RHBDD1: variants seen among roughly 807,000 people sequenced by gnomAD.
RHBDD1 encodes rhomboid-related protein 4.
Under a neutral mutation model 36.3 loss-of-function variants are expected in RHBDD1, and 38 were observed. The observed-to-expected ratio is 1.05, with a 90% CI of 0.81 to 1.37. The LOEUF is 1.37. Ranked by LOEUF, RHBDD1 falls within the 40% of genes most tolerant of loss-of-function variation. The pLI, the probability that RHBDD1 is intolerant of heterozygous loss-of-function variation, is 0.00. For synonymous variants in RHBDD1, 151 were observed against 136.5 expected (o/e 1.11, Z -0.74); for missense variants, 393 against 377.6 (o/e 1.04, Z -0.34).
intron 5 of RHBDD1, among the ~76,000 whole-genome samples, chr2:226,888,155 C>T (rs1000945048): frequency 6.6e-6 from 1 of 152,152 alleles, no homozygotes; most frequent in East Asian, 1.9e-4. Flanking sequence ...CATACAGCCA[C>T]GTAGTTGGTG....
chr2:226,917,096 TTTATTA>T (rs1227889667), intron 8 of RHBDD1, among the ~76,000 whole-genome samples: 1 of 152,074 alleles, frequency 6.6e-6, no homozygotes, highest in Admixed American at 6.6e-5. Flanking sequence ...GAAGAATATA[TTTATTA>T]TTAAGTTAAT....
At chr2:226,911,696 G>A (rs1449805567) in intron 7 of RHBDD1, among the ~76,000 whole-genome samples, 1 of 151,884 alleles carries the variant, frequency 6.6e-6, no homozygotes, top group Non-Finnish European at 1.5e-5. Flanking sequence ...ATTGGATAGA[G>A]ACCAGTTTAA....
intron 3 of RHBDD1, among the ~76,000 whole-genome samples, chr2:226,852,724 C>T (rs1180486134): frequency 1.3e-5 from 2 of 151,946 alleles, no homozygotes; most frequent in Non-Finnish European, 1.5e-5. Flanking sequence ...AAATTTATTG[C>T]TCTACCTTGT....
intron 3 of RHBDD1, among the ~76,000 whole-genome samples, chr2:226,842,264 CTT>C (rs1261163038): frequency 1.4e-4 from 22 of 152,128 alleles, no homozygotes; most frequent in African/African-American, 5.3e-4. Context: ...ATGATAGTCT[CTT>C]TTGCTGTGCA....
At chr2:226,822,533 G>A in the RHBDD1 span, among the ~76,000 whole-genome samples, 2 of 151,536 alleles carry the variant, frequency 1.3e-5, no homozygotes, top group Non-Finnish European at 1.5e-5. Context: ...TATACAGGAG[G>A]CTGAGGCAAG....
At chr2:226,941,263 G>T (rs965826372) in intron 8 of RHBDD1, among the ~76,000 whole-genome samples, 4 of 152,184 alleles carry the variant, frequency 2.6e-5, no homozygotes, top group African/African-American at 9.6e-5. Context: ...ACCCCGACCG[G>T]CCTGGACTCA....
Position 226,869,485 on chromosome 2 carries a change from T to A in RHBDD1, c.566+2167T>A, listed in dbSNP as rs367675378. 1.4e-4 allele frequency among the ~76,000 whole-genome samples: 21 copies of A among 152,330 alleles called. No homozygotes were observed. The East Asian group carries it at 3.9e-3, about 28-fold the overall frequency. On this transcript the variant is annotated intron_variant, in intron 5 of 8. Coordinates refer to ENST00000392062, the MANE Select transcript of RHBDD1 (RefSeq NM_001167608.3). ...TGATGGTTGTCAATTAGAATTTTCA[T>A]TGGGAAAACACTGTAAATCTTTAGA...
intron 1 of RHBDD1, chr2:226,837,789 C>A (rs1941139104): frequency 6.6e-6 from 1 of 152,230 alleles, no homozygotes; most frequent in African/African-American, 2.4e-5. Context: ...CCTGCCTCGT[C>A]TTCAGTTTAG....
chr2:226,947,564 T>G (rs944258009), intron 8 of RHBDD1, among the ~76,000 whole-genome samples: 1 of 152,132 alleles, frequency 6.6e-6, no homozygotes, highest in Admixed American at 6.6e-5. Context: ...TCTTTTGGCT[T>G]AGGATTGACT....
In RHBDD1 at chr2:226,951,982, C is replaced by A. The variant is rs956035882; in HGVS notation, c.856+37631C>A. On this transcript the variant is annotated intron_variant, in intron 8 of 8. Transcript: ENST00000392062. Reference sequence around the variant, plus strand: ...AAATTTTGGTTGTTCTCAACCCTGGCTATCTATTAGAATCATTTGGGGAGC... The same window carrying A: ...AAATTTTGGTTGTTCTCAACCCTGGATATCTATTAGAATCATTTGGGGAGC... 2.6e-5 allele frequency among the ~76,000 whole-genome samples: 4 copies of A among 152,112 alleles called. No homozygotes were observed. The South Asian group carries it at 6.2e-4, about 24-fold the overall frequency.
chr2:226,849,897 A>T (rs1460761344), intron 3 of RHBDD1, among the ~76,000 whole-genome samples: 2 of 152,102 alleles, frequency 1.3e-5, no homozygotes, highest in Non-Finnish European at 2.9e-5. Flanking sequence ...CTCTACATAT[A>T]TATGTGTAGA....
chr2:226,807,721 C>T, the RHBDD1 span: 1 of 152,186 alleles, frequency 6.6e-6, no homozygotes, highest in Non-Finnish European at 1.5e-5. Flanking sequence ...TCATGTAAGC[C>T]TTTGTAAGGA....
Position 226,914,284 on chromosome 2 carries a change from G to C in RHBDD1, c.789G>C (p.Thr263=), listed in dbSNP as rs758071873. The C allele has an allele frequency of 6.2e-7, 1 of 1,613,672 alleles. No individual in the cohort carries two copies. Among genetic ancestry groups the C allele is most frequent in the Non-Finnish European group, 8.5e-7 (1 of 1,179,818 alleles). Residue 263 remains threonine (T), a synonymous_variant, in exon 8 of 9, where the codon ACG becomes ACC. Transcript: ENST00000392062. ...AAGAAGCACCCAGGAACTATGACAC[G>C]TACACAGCAGGACTGAGTGAAGAAG... ...HYEEAPRNYD[T]YTAGLSEEEQ... is the part of the protein sequence containing the mutation.
At chr2:226,913,335 GAA>G (rs1360111880) in intron 7 of RHBDD1, among the ~76,000 whole-genome samples, 2 of 152,138 alleles carry the variant, frequency 1.3e-5, no homozygotes, top group Admixed American at 6.5e-5. Context: ...TGGCAGGAAA[GAA>G]GAGAAAAAAT....
the RHBDD1 span, among the ~76,000 whole-genome samples, chr2:226,812,647 C>CTTTTTTT: frequency 2.5e-3 from 369 of 150,388 alleles, 2 homozygotes; most frequent in African/African-American, 7.6e-3. Context: ...CTCTCTCTCT[C>CTTTTTTT]TTTTTTTTTG....
intron 5 of RHBDD1, among the ~76,000 whole-genome samples, chr2:226,874,143 A>AC (rs1410177209): frequency 6.6e-6 from 1 of 151,700 alleles, no homozygotes; most frequent in South Asian, 2.1e-4. Context: ...TCCTACCAGG[A>AC]CCCCCCTTGA....
intron 7 of RHBDD1, among the ~76,000 whole-genome samples, chr2:226,912,811 T>G (rs1285908190): frequency 1.3e-5 from 2 of 152,062 alleles, no homozygotes; most frequent in Non-Finnish European, 2.9e-5. Context: ...TAAAATATAC[T>G]AAAAACCACT....
intron 5 of RHBDD1, among the ~76,000 whole-genome samples, chr2:226,870,295 T>A (rs919584418): frequency 7.9e-5 from 12 of 152,250 alleles, no homozygotes; most frequent in African/African-American, 2.9e-4. Flanking sequence ...CAATAGGAAG[T>A]ACTCAACCCT....
At chr2:226,856,146 G>T (rs1943297751) in intron 3 of RHBDD1, among the ~76,000 whole-genome samples, 1 of 152,122 alleles carries the variant, frequency 6.6e-6, no homozygotes. Flanking sequence ...ATGGTGTAAT[G>T]ATGTGAAGCC....
Sources: gnomAD v4.1 joint callset for allele counts (sites outside exome capture counted in the v4.1 genomes callset) on GRCh38, gnomAD v4.1.1 for gene constraint, MANE v1.5 for transcripts, NCBI Gene and HGNC (gene_info 2026-07-23, HGNC 2026-07-21) for gene names.